PPP1R17: variants seen among roughly 807,000 people sequenced by gnomAD.
PPP1R17 encodes the protein protein phosphatase 1 regulatory subunit 17.
In PPP1R17, 12 loss-of-function variants were observed where a neutral mutation model predicts 15.9. The observed-to-expected ratio is 0.75, with a 90% CI of 0.48 to 1.22. The LOEUF (loss-of-function observed/expected upper bound fraction) is 1.22. PPP1R17 is among the 50% of genes most tolerant of loss of function. The pLI is 0.00. For synonymous variants in PPP1R17, 63 were observed against 64.5 expected, an observed-to-expected ratio of 0.98 and a Z score of 0.11; for missense variants, 211 against 187.3, an observed-to-expected ratio of 1.13 and a Z score of -0.74.
chr7:31,690,475 T>C (rs1234513992), intron 1 of PPP1R17, among the ~76,000 whole-genome samples: 2 of 152,246 alleles, frequency 1.3e-5, no homozygotes, highest in African/African-American at 4.8e-5. Context: ...AATTTTATTG[T>C]AGCAGACTTA....
rs1309359647 is a variant in PPP1R17 at position 31,697,053 on chromosome 7, C to T, written c.324C>T (p.Asp108=). ...GKMIPVLHNT[D]LEQKKPRRKD... The stretch of plus-strand genomic sequence containing the variant: ...TGATCCCTGTTCTTCATAACACTGA[C>T]CTGGAACAGAAAAAGCCAAGGAGAA... Residue 108 remains aspartate (D), a synonymous_variant, in exon 4 of 5, where the codon GAC becomes GAT. Coordinates refer to ENST00000342032, the MANE Select transcript of PPP1R17 (RefSeq NM_006658.5). 2.5e-6 allele frequency: 4 copies of T among 1,613,956 alleles called. No individual in the cohort carries two copies. The highest frequency in any genetic ancestry group is 1.6e-4 in the Middle Eastern group (1 of 6,084).
intron 4 of PPP1R17, among the ~76,000 whole-genome samples, chr7:31,698,358 C>T (rs2128243061): frequency 6.6e-6 from 1 of 152,310 alleles, no homozygotes; most frequent in Non-Finnish European, 1.5e-5. Flanking sequence ...CTCTTCTTCT[C>T]TTCCCACTTC....
chr7:31,689,982 C>A (rs972084455), intron 1 of PPP1R17, among the ~76,000 whole-genome samples: 1 of 152,186 alleles, frequency 6.6e-6, no homozygotes, highest in East Asian at 1.9e-4. Context: ...ACAAGATGAG[C>A]TATGCTGTGG....
intron 4 of PPP1R17, among the ~76,000 whole-genome samples, chr7:31,702,706 T>C (rs1490287049): frequency 1.3e-5 from 2 of 152,244 alleles, no homozygotes; most frequent in Admixed American, 6.5e-5. Context: ...GATGAATTCA[T>C]GAGGACTGGC....
At chr7:31,706,806 G>A (rs1793088591) in intron 4 of PPP1R17, among the ~76,000 whole-genome samples, 1 of 152,174 alleles carries the variant, frequency 6.6e-6, no homozygotes, top group East Asian at 1.9e-4. Context: ...AATTGTTACT[G>A]TACTCATGTT....
At chr7:31,691,797 T>TAAAAAAAAAAAAAAAAAAAAAAAAAAA (rs377169335) in intron 1 of PPP1R17, among the ~76,000 whole-genome samples, 1 of 86,558 alleles carries the variant, frequency 1.2e-5, no homozygotes, top group Non-Finnish European at 2.2e-5. Flanking sequence ...ATGTAATGAT[T>TAAAAAAAAAAAAAAAAAAAAAAAAAAA]AAAAAAAAAA....
rs200377877 is a variant in PPP1R17 at position 31,695,494 on chromosome 7, G to A, written c.108G>A (p.Lys36=). The change falls in exon 3 of 5, where the codon AAG becomes AAA. Residue 36 remains lysine (K), a synonymous_variant. Transcript: ENST00000342032. ...ATGATCTTTCAGACCAGTTCATTAA[G>A]GACTGTGATCTCAAAAAGAAGCCTA... is the stretch of plus-strand genomic sequence containing the variant. ...HLDDLSDQFI[K]DCDLKKKPRK... is the part of the protein sequence containing the mutation. The A allele has an allele frequency of 2.2e-4, 347 of 1,612,326 alleles. No homozygotes were observed. The highest frequency in any genetic ancestry group is 2.7e-4 in the Non-Finnish European group (322 of 1,179,396).
intron 2 of PPP1R17, among the ~76,000 whole-genome samples, chr7:31,693,146 C>A (rs1224676450): frequency 4.6e-5 from 7 of 152,128 alleles, no homozygotes; most frequent in Non-Finnish European, 8.8e-5. Context: ...CCCCTCCTCT[C>A]CCCTCTCCCC....
intron 3 of PPP1R17, 26 bp from the exon 4 acceptor site, chr7:31,696,939 C>G: frequency 6.2e-7 from 1 of 1,610,114 alleles, no homozygotes; most frequent in Non-Finnish European, 8.5e-7. Context: ...GATCCTGTTT[C>G]TCTCTGTGTT....
At chr7:31,691,848 C>T (rs1458240757) in intron 1 of PPP1R17, among the ~76,000 whole-genome samples, 2 of 141,950 alleles carry the variant, frequency 1.4e-5, no homozygotes, top group South Asian at 2.3e-4. Context: ...ACAACAGAAG[C>T]CTTATTCAAT....
Position 31,697,092 on chromosome 7 carries a change from C to T in PPP1R17, c.363C>T (p.Ala121=). 6.2e-7 allele frequency: 1 copy of T among 1,614,010 alleles called. No individual in the cohort carries two copies. The highest frequency in any genetic ancestry group is 8.5e-7 in the Non-Finnish European group (1 of 1,179,964). The stretch of plus-strand genomic sequence containing the variant: ...AGCCAAGGAGAAAAGACACACCTGC[C>T]CTGCACATGTCCCCCTTTGCAGCAG... ...QKKPRRKDTP[A]LHMSPFAAGV... Residue 121 remains alanine, a synonymous_variant, in exon 4 of 5, where the codon GCC becomes GCT. Coordinates refer to ENST00000342032, the MANE Select transcript of PPP1R17 (RefSeq NM_006658.5).
At chr7:31,692,650 A>G in intron 2 of PPP1R17, 127 bp downstream of exon 2, 1 of 791,550 alleles carries the variant, frequency 1.3e-6, no homozygotes, top group Non-Finnish European at 2.1e-6. Context: ...CCTTCTGGTG[A>G]CAGCCAACAC....
intron 4 of PPP1R17, among the ~76,000 whole-genome samples, chr7:31,702,216 T>TA (rs1792881045): frequency 6.6e-6 from 1 of 151,972 alleles, no homozygotes; most frequent in African/African-American, 2.4e-5. Flanking sequence ...TATTTTTTTT[T>TA]TTGCCTCTAC....
At chr7:31,704,171 C>G (rs1792971790) in intron 4 of PPP1R17, among the ~76,000 whole-genome samples, 1 of 152,154 alleles carries the variant, frequency 6.6e-6, no homozygotes, top group Admixed American at 6.5e-5. Context: ...CAAAATCCTG[C>G]ACTTCTACAC....
At chr7:31,700,356 G>A (rs1170573789) in intron 4 of PPP1R17, among the ~76,000 whole-genome samples, 1 of 152,180 alleles carries the variant, frequency 6.6e-6, no homozygotes. Context: ...GCCTAATCCA[G>A]AACAAGGTCC....
At chr7:31,693,731 T>A (rs1583831116) in intron 2 of PPP1R17, among the ~76,000 whole-genome samples, 2 of 152,188 alleles carry the variant, frequency 1.3e-5, no homozygotes, top group South Asian at 4.1e-4. Context: ...GTTTAAGACA[T>A]TTAATCCTCA....
chr7:31,694,859 AG>A (rs1792508944), intron 2 of PPP1R17, among the ~76,000 whole-genome samples: 1 of 152,200 alleles, frequency 6.6e-6, no homozygotes. Context: ...CAGAGGATTG[AG>A]AAAAGTAAAT....
At chr7:31,690,493 T>G (rs946624764) in intron 1 of PPP1R17, among the ~76,000 whole-genome samples, 1 of 152,242 alleles carries the variant, frequency 6.6e-6, no homozygotes, top group African/African-American at 2.4e-5. Flanking sequence ...TTAACTTGTG[T>G]GGAGAGGGGG....
chr7:31,704,022 G>A (rs77265036), intron 4 of PPP1R17, among the ~76,000 whole-genome samples: 4,517 of 152,270 alleles, frequency 0.03, 247 homozygotes, highest in African/African-American at 0.1. Flanking sequence ...CTGCTTAAGA[G>A]TGAAAAGAAG....
Sources: gnomAD v4.1 joint callset for allele counts (sites outside exome capture counted in the v4.1 genomes callset) on GRCh38, gnomAD v4.1.1 for gene constraint, MANE v1.5 for transcripts, NCBI Gene and HGNC (gene_info 2026-07-23, HGNC 2026-07-21) for gene names.